Variants in C8orf34 observed in about 807,000 individuals in gnomAD.
The protein encoded by C8orf34 is uncharacterized protein C8orf34.
A neutral mutation model predicts 68.3 loss-of-function variants in C8orf34; 65 were observed. The ratio of observed to expected loss-of-function variants is 0.95; its 90% CI spans 0.78 to 1.17. The LOEUF is 1.17. C8orf34 is among the 50% of genes most tolerant of loss of function. The pLI, the probability that C8orf34 is intolerant of heterozygous loss-of-function variation, is 0.00. For missense variants in C8orf34, 664 were observed against 655.4 expected, an observed-to-expected ratio of 1.01 and a Z score of -0.14; for synonymous variants, 244 against 241.2, an observed-to-expected ratio of 1.01 and a Z score of -0.11.
At chr8:68,796,822 CTTT>C (rs372049123) in intron 12 of C8orf34, among the ~76,000 whole-genome samples, 10,304 of 122,378 alleles carry the variant, frequency 0.084, 352 homozygotes, top group East Asian at 0.31. Context: ...TTGAGTTCTT[CTTT>C]TTTTTTTTTT....
At chr8:68,549,890 G>T (rs779124747) in intron 7 of C8orf34, among the ~76,000 whole-genome samples, 5 of 151,612 alleles carry the variant, frequency 3.3e-5, no homozygotes, top group Non-Finnish European at 7.4e-5. Context: ...TCTGAAGTTT[G>T]CTCTGTCTGA....
At chr8:68,457,036 C>T (rs1811584244) in intron 3 of C8orf34, among the ~76,000 whole-genome samples, 1 of 152,066 alleles carries the variant, frequency 6.6e-6, no homozygotes, top group African/African-American at 2.4e-5. Flanking sequence ...AATTTATAAT[C>T]CAGATGAGAA....
intron 4 of C8orf34, among the ~76,000 whole-genome samples, chr8:68,477,806 C>A (rs191048123): frequency 2.2e-4 from 34 of 152,338 alleles, no homozygotes; most frequent in Admixed American, 2.2e-3. Flanking sequence ...AGGCCCAACA[C>A]CACATGGAAG....
intron 10 of C8orf34, among the ~76,000 whole-genome samples, chr8:68,744,491 A>G (rs1412402070): frequency 2.0e-5 from 3 of 151,406 alleles, no homozygotes; most frequent in African/African-American, 7.3e-5. Context: ...TTTGAAAAAA[A>G]TTTAGAAGAA....
intron 7 of C8orf34, among the ~76,000 whole-genome samples, chr8:68,618,836 TA>T (rs1204304529): frequency 6.6e-6 from 1 of 152,196 alleles, no homozygotes; most frequent in Non-Finnish European, 1.5e-5. Context: ...CAGCCTTCAA[TA>T]ATGGATGTTT....
At chr8:68,723,765 T>C (rs1035603900) in intron 10 of C8orf34, among the ~76,000 whole-genome samples, 1 of 152,152 alleles carries the variant, frequency 6.6e-6, no homozygotes, top group Non-Finnish European at 1.5e-5. Flanking sequence ...ATATCCTGTC[T>C]TTAGTATTTG....
chr8:68,693,418 A>C (rs890738080), intron 8 of C8orf34, among the ~76,000 whole-genome samples: 1 of 152,070 alleles, frequency 6.6e-6, no homozygotes, highest in African/African-American at 2.4e-5. Flanking sequence ...CTTGGGGACA[A>C]TTTCTTTACC....
chr8:68,620,809 A>G (rs11783166), intron 7 of C8orf34, among the ~76,000 whole-genome samples: 2 of 151,478 alleles, frequency 1.3e-5, no homozygotes, highest in South Asian at 2.1e-4. Context: ...CCATTACCCA[A>G]TAAGATGGAG....
chr8:68,815,444 T>A (rs73683735), intron 12 of C8orf34, among the ~76,000 whole-genome samples: 6,212 of 152,196 alleles, frequency 0.041, 118 homozygotes, highest in Middle Eastern at 0.061. Context: ...TGGTACTAAT[T>A]TATAATTTTG....
At chr8:68,456,210 C>T (rs757574336) in intron 3 of C8orf34, among the ~76,000 whole-genome samples, 8 of 151,448 alleles carry the variant, frequency 5.3e-5, no homozygotes, top group South Asian at 4.2e-4. Flanking sequence ...GAGCTGAGAC[C>T]GCACCACTGC....
intron 1 of C8orf34, among the ~76,000 whole-genome samples, chr8:68,384,515 C>T (rs1040824441): frequency 6.6e-5 from 10 of 152,188 alleles, no homozygotes; most frequent in Admixed American, 5.9e-4. Context: ...AATAGTAAAA[C>T]TCTAGGCTGT....
intron 5 of C8orf34, among the ~76,000 whole-genome samples, chr8:68,490,255 AC>A (rs985219274): frequency 3.3e-5 from 5 of 152,076 alleles, no homozygotes; most frequent in South Asian, 2.1e-4. Flanking sequence ...ATTCTGCAAA[AC>A]CCTGGCTGCC....
intron 7 of C8orf34, among the ~76,000 whole-genome samples, chr8:68,614,133 A>G (rs199740241): frequency 6.6e-6 from 1 of 151,190 alleles, no homozygotes; most frequent in Admixed American, 6.6e-5. Flanking sequence ...TTTTGATGGG[A>G]TTGTTTGTTT....
intron 7 of C8orf34, among the ~76,000 whole-genome samples, chr8:68,561,877 C>T (rs1816442178): frequency 6.6e-6 from 1 of 152,216 alleles, no homozygotes; most frequent in Non-Finnish European, 1.5e-5. Flanking sequence ...CTTCCACCTC[C>T]ACATCTTGTC....
At chr8:68,507,858 G>A (rs73683536) in intron 5 of C8orf34, among the ~76,000 whole-genome samples, 18,453 of 151,988 alleles carry the variant, frequency 0.12, 1,133 homozygotes, top group East Asian at 0.17. Flanking sequence ...AACTATATCC[G>A]TAATTATTTT....
At chr8:68,621,522 A>C (rs1399648474) in intron 7 of C8orf34, among the ~76,000 whole-genome samples, 1 of 152,248 alleles carries the variant, frequency 6.6e-6, no homozygotes, top group East Asian at 1.9e-4. Context: ...TGTAAACTCT[A>C]TATAAAATAT....
intron 7 of C8orf34, among the ~76,000 whole-genome samples, chr8:68,578,635 T>C (rs1384384637): frequency 6.6e-6 from 1 of 151,766 alleles, no homozygotes; most frequent in East Asian, 1.9e-4. Flanking sequence ...TCATTGCAGA[T>C]TAAATACTAT....
intron 1 of C8orf34, among the ~76,000 whole-genome samples, chr8:68,387,573 A>G (rs1376235709): frequency 6.6e-6 from 1 of 152,196 alleles, no homozygotes; most frequent in Non-Finnish European, 1.5e-5. Context: ...AGGATGATAG[A>G]GTCATGAATA....
chr8:68,340,890 C>G (rs1025696370), intron 1 of C8orf34, among the ~76,000 whole-genome samples: 2 of 151,918 alleles, frequency 1.3e-5, no homozygotes, highest in Non-Finnish European at 2.9e-5. Flanking sequence ...AATATAGACA[C>G]AAAAAACCTT....
Sources: gnomAD v4.1 joint callset for allele counts (sites outside exome capture counted in the v4.1 genomes callset) on GRCh38, gnomAD v4.1.1 for gene constraint, MANE v1.5 for transcripts, NCBI Gene and HGNC (gene_info 2026-07-23, HGNC 2026-07-21) for gene names.